CASK: variants seen among roughly 807,000 people sequenced by gnomAD.
The protein encoded by CASK is calcium/calmodulin dependent serine protein kinase.
In CASK, 4 loss-of-function variants were observed where a neutral mutation model predicts 82.9. The observed-to-expected ratio is 0.05, with a 90% CI of 0.02 to 0.11. The LOEUF is 0.11. Ranked by LOEUF, CASK falls within the 10% of genes least tolerant of loss-of-function variation. The probability of loss-of-function intolerance (pLI) is 1.00; values close to 1 mark genes in which losing one functional copy is unlikely to be tolerated. For missense variants in CASK, 358 were observed against 720.9 expected (o/e 0.50, Z 5.76); for synonymous variants, 259 against 253.5 (o/e 1.02, Z -0.20).
chrX:41,535,611 G>T (rs1407803748), intron 22 of CASK, among the ~76,000 whole-genome samples: 1 of 110,808 alleles, frequency 9.0e-6, no homozygotes, highest in East Asian at 2.8e-4. Flanking sequence ...GGAAAGTCTT[G>T]AATATGTAAG....
At chrX:41,883,061 A>T (rs746661954) in intron 1 of CASK, among the ~76,000 whole-genome samples, 31 of 111,526 alleles carry the variant, frequency 2.8e-4, no homozygotes, top group Non-Finnish European at 4.5e-4. Flanking sequence ...ATTCACAGTG[A>T]CTCTTAAAGC....
chrX:41,749,988 G>A (rs1351590585), intron 3 of CASK, among the ~76,000 whole-genome samples: 3 of 108,231 alleles, frequency 2.8e-5, no homozygotes, highest in African/African-American at 1.0e-4. Context: ...GCCATTATAT[G>A]TTTTTTTTTA....
At chrX:41,720,517 T>C (rs764167664) in intron 5 of CASK, among the ~76,000 whole-genome samples, 1 of 112,891 alleles carries the variant, frequency 8.9e-6, no homozygotes, top group East Asian at 2.8e-4. Flanking sequence ...TTCTAATGTG[T>C]ACTAAATTAG....
intron 1 of CASK, among the ~76,000 whole-genome samples, chrX:41,904,059 A>G (rs1160844300): frequency 4.5e-5 from 5 of 111,512 alleles, no homozygotes; most frequent in Non-Finnish European, 9.4e-5. Context: ...TCCTCCTCCC[A>G]GTCCCTAGTA....
intron 5 of CASK, among the ~76,000 whole-genome samples, chrX:41,704,246 A>C (rs2067847827): frequency 8.9e-6 from 1 of 111,910 alleles, no homozygotes; most frequent in South Asian, 3.7e-4. Context: ...TTTCTAATCA[A>C]TAAATTGAAA....
chrX:41,737,302 C>T (rs956759242), intron 5 of CASK, among the ~76,000 whole-genome samples: 1 of 112,037 alleles, frequency 8.9e-6, no homozygotes, highest in Non-Finnish European at 1.9e-5. Flanking sequence ...AGCCACGCTA[C>T]GTCACCAACA....
intron 2 of CASK, among the ~76,000 whole-genome samples, chrX:41,851,681 ATTTAT>A (rs1055701334): frequency 1.2e-4 from 13 of 112,133 alleles, no homozygotes; most frequent in Admixed American, 3.8e-4. Context: ...AGCTATTAAT[ATTTAT>A]TTTAATTATT....
At chrX:41,535,512 C>T (rs1251123507) in intron 22 of CASK, among the ~76,000 whole-genome samples, 1 of 109,610 alleles carries the variant, frequency 9.1e-6, no homozygotes, top group Non-Finnish European at 1.9e-5. Flanking sequence ...AGGTGGCATG[C>T]TAGATTCTAA....
chrX:41,578,614 G>A, intron 14 of CASK, 86 bp from the exon 15 acceptor site: 2 of 706,273 alleles, frequency 2.8e-6, no homozygotes, highest in Non-Finnish European at 4.2e-6. Flanking sequence ...TTTGAGACAG[G>A]GTCTCACTCT....
chrX:41,879,139 T>C (rs1274677181), intron 1 of CASK, among the ~76,000 whole-genome samples: 2 of 111,370 alleles, frequency 1.8e-5, no homozygotes, highest in Admixed American at 9.6e-5. Flanking sequence ...AAAATGCAGA[T>C]TATTGTGGTG....
At chrX:41,647,694 G>C (rs1328859480) in intron 8 of CASK, among the ~76,000 whole-genome samples, 1 of 111,933 alleles carries the variant, frequency 8.9e-6, no homozygotes, top group Non-Finnish European at 1.9e-5. Context: ...CGTGGATTGT[G>C]AAGAGTTTAT....
chrX:41,748,924 A>G (rs1263999311), intron 3 of CASK, among the ~76,000 whole-genome samples: 1 of 112,060 alleles, frequency 8.9e-6, no homozygotes, highest in Admixed American at 9.4e-5. Flanking sequence ...GCATACACAC[A>G]TGGGGGTATT....
chrX:41,540,540 T>C (rs886725036), intron 22 of CASK, among the ~76,000 whole-genome samples: 11 of 112,491 alleles, frequency 9.8e-5, no homozygotes, highest in Middle Eastern at 4.6e-3. Flanking sequence ...ACTAACCTAA[T>C]TCCCTCATTT....
chrX:41,649,060 C>A (rs1466116985), intron 8 of CASK, among the ~76,000 whole-genome samples: 1 of 111,592 alleles, frequency 9.0e-6, no homozygotes, highest in African/African-American at 3.3e-5. Context: ...TTATAGTATT[C>A]TCTGATGGTA....
At chrX:41,741,048 AGTTTT>A (rs972439273) in intron 4 of CASK, among the ~76,000 whole-genome samples, 2 of 110,268 alleles carry the variant, frequency 1.8e-5, no homozygotes, top group Non-Finnish European at 3.8e-5. Context: ...ACGCCTGGCT[AGTTTT>A]TGTATTTTGA....
At chrX:41,902,055 G>A (rs2072392884) in intron 1 of CASK, among the ~76,000 whole-genome samples, 2 of 111,340 alleles carry the variant, frequency 1.8e-5, no homozygotes, top group Non-Finnish European at 3.8e-5. Flanking sequence ...GTCTGCTGGG[G>A]TGGGTTTGGA....
chrX:41,680,065 C>T (rs1395533866), intron 5 of CASK, among the ~76,000 whole-genome samples: 5 of 109,460 alleles, frequency 4.6e-5, no homozygotes, highest in African/African-American at 6.7e-5. Flanking sequence ...CTGGGCGTGG[C>T]GGCACATGCC....
intron 3 of CASK, among the ~76,000 whole-genome samples, chrX:41,781,915 T>G (rs2069485758): frequency 8.9e-6 from 1 of 111,829 alleles, no homozygotes; most frequent in South Asian, 3.7e-4. Context: ...CTAAGTTATT[T>G]TAACTGAATT....
chrX:41,639,600 T>G (rs1368024155), intron 8 of CASK, among the ~76,000 whole-genome samples: 1 of 111,203 alleles, frequency 9.0e-6, no homozygotes, highest in Non-Finnish European at 1.9e-5. Context: ...TTTTCTGAGG[T>G]ATAATTACAT....
Sources: gnomAD v4.1 joint callset for allele counts (sites outside exome capture counted in the v4.1 genomes callset) on GRCh38, gnomAD v4.1.1 for gene constraint, MANE v1.5 for transcripts, NCBI Gene and HGNC (gene_info 2026-07-23, HGNC 2026-07-21) for gene names.